The following PIH1D2 variants were observed in gnomAD, a reference collection of about 807,000 sequenced individuals.
PIH1D2 encodes PIH1 domain containing 2, also known as PIH1 domain-containing protein 2.
PIH1D2 carries 25 observed loss-of-function variants against 31.2 expected under a neutral mutation model. The observed-to-expected ratio is 0.80, with a 90% CI of 0.58 to 1.12. The LOEUF is 1.12. Among genes scored for constraint, PIH1D2 ranks in the 50% most tolerant of loss-of-function variants. The pLI is 0.00. For missense variants in PIH1D2, 310 were observed against 356.6 expected (o/e 0.87, Z 1.05); for synonymous variants, 116 against 119.9 (o/e 0.97, Z 0.21).
downstream of PIH1D2, among the ~76,000 whole-genome samples, chr11:112,058,625 T>TGG (rs1169416538): frequency 7.1e-3 from 510 of 71,936 alleles, 11 homozygotes; most frequent in African/African-American, 0.015. Flanking sequence ...AAGGGGGGGG[T>TGG]GGGGGGGGGG....
chr11:112,057,328 A>C, the PIH1D2 span, among the ~76,000 whole-genome samples: 2 of 152,224 alleles, frequency 1.3e-5, no homozygotes, highest in African/African-American at 4.8e-5. Context: ...GAAGACTTTC[A>C]CGTCTCTTAC....
At chr11:112,054,094 A>G in the PIH1D2 span, among the ~76,000 whole-genome samples, 4 of 151,804 alleles carry the variant, frequency 2.6e-5, no homozygotes, top group African/African-American at 9.7e-5. Flanking sequence ...GGATCGCCTG[A>G]GGTCAAGCGT....
intron 5 of PIH1D2, among the ~76,000 whole-genome samples, chr11:112,068,491 A>G (rs1426342206): frequency 2.6e-5 from 4 of 152,154 alleles, no homozygotes; most frequent in Admixed American, 6.6e-5. Flanking sequence ...AGTCAAATTA[A>G]AAGGGAATTG....
downstream of PIH1D2, chr11:112,062,307 T>C: frequency 1.6e-6 from 2 of 1,268,014 alleles, no homozygotes; most frequent in Non-Finnish European, 2.3e-6. Context: ...AAGTATTACC[T>C]GGTTGGGATT....
At chr11:112,071,900 C>T in intron 2 of PIH1D2, 142 bp from the exon 3 acceptor site, 1 of 796,488 alleles carries the variant, frequency 1.3e-6, no homozygotes, top group Admixed American at 2.9e-5. Context: ...TGAGACCAGC[C>T]TGGCCAACAT....
rs1555184656 is a variant in PIH1D2, at chr11:112,071,651, A to G, written c.285T>C (p.Asp95=). 4 of 1,613,812 alleles carry G rather than the reference A, an allele frequency of 2.5e-6. No homozygotes were observed. The highest frequency in any genetic ancestry group is 3.4e-6 in the Non-Finnish European group (4 of 1,179,678). Residue 95 remains aspartate (D), a synonymous_variant, in exon 3 of 6, where the codon GAT becomes GAC. Transcript: ENST00000280350. ...TATTTGTACCTGATATCTCAGTTGT[A>G]TCTTCTGGTTTGCCAACAGTTAGAG... ...PVPLTVGKPE[D]TTEISDAYTV...
At chr11:112,059,045 A>G (rs1224931437), downstream of PIH1D2, among the ~76,000 whole-genome samples, 2 of 151,032 alleles carry the variant, frequency 1.3e-5, no homozygotes, top group Non-Finnish European at 2.9e-5. Context: ...AAGATCTGAT[A>G]TTGTGTAAAA....
the PIH1D2 span, among the ~76,000 whole-genome samples, chr11:112,056,834 T>C: frequency 6.6e-6 from 1 of 152,342 alleles, no homozygotes; most frequent in South Asian, 2.1e-4. Context: ...TCATCAATAT[T>C]TGTTACCGTG....
At chr11:112,053,847 A>G in the PIH1D2 span, among the ~76,000 whole-genome samples, 1 of 151,916 alleles carries the variant, frequency 6.6e-6, no homozygotes, top group Non-Finnish European at 1.5e-5. Context: ...TGAGTTTTTC[A>G]TTTATTTTAC....
chr11:112,069,016 G>A (rs1865029499), intron 5 of PIH1D2, among the ~76,000 whole-genome samples: 2 of 138,626 alleles, frequency 1.4e-5, no homozygotes, highest in African/African-American at 5.7e-5. Flanking sequence ...TTTTTTGAGG[G>A]GAGACAGAGT....
downstream of PIH1D2, among the ~76,000 whole-genome samples, chr11:112,059,114 T>C (rs1555182904): frequency 6.6e-6 from 1 of 151,992 alleles, no homozygotes; most frequent in East Asian, 1.9e-4. Context: ...ACCACCCATG[T>C]ATCCTGAGCA....
downstream of PIH1D2, chr11:112,062,390 CTT>C: frequency 1.2e-6 from 2 of 1,612,046 alleles, no homozygotes; most frequent in Non-Finnish European, 1.7e-6. Flanking sequence ...TCTAAAATGT[CTT>C]TATCTTTTTC....
chr11:112,070,421 A>G lies in PIH1D2; in HGVS notation c.813+15T>C, dbSNP rs782745389. ...CTGGCCAATACAAATTTACAGTGTT[A>G]TCTATTCAACTTACCTCAGAAACAC... On this transcript the variant is annotated intron_variant, in intron 5 of 5. Coordinates refer to ENST00000280350, the MANE Select transcript of PIH1D2 (RefSeq NM_138789.4). 8 of 1,609,818 alleles carry G rather than the reference A, an allele frequency of 5.0e-6. No individual in the cohort carries two copies. The African/African-American group carries it at 1.1e-4, about 22-fold the overall frequency.
chr11:112,071,361 A>T (rs1258610577), intron 3 of PIH1D2, 78 bp from the exon 4 acceptor site: 2 of 1,450,054 alleles, frequency 1.4e-6, no homozygotes, highest in East Asian at 4.6e-5. Flanking sequence ...ATATTAAACC[A>T]TATTCCTGAT....
chr11:112,056,024 C>T, the PIH1D2 span, among the ~76,000 whole-genome samples: 2 of 151,330 alleles, frequency 1.3e-5, no homozygotes, highest in African/African-American at 4.9e-5. Context: ...CATGCCACCA[C>T]ACCCAGCTAA....
In PIH1D2 at chr11:112,071,087, C is replaced by T. The variant is rs1865096077; in HGVS notation, c.498G>A (p.Leu166=). The T allele has an allele frequency of 3.1e-6, 5 of 1,613,470 alleles. No individual in the cohort carries two copies. The highest frequency in any genetic ancestry group is 1.1e-5 in the South Asian group (1 of 91,034). Residue 166 remains leucine (L), a synonymous_variant, in exon 4 of 6, where the codon CTG becomes CTA. Transcript: ENST00000280350. Reference sequence around the variant, plus strand: ...CTATGGAATCAGTTTGGATTCCCATCAGATTTTGTTTCATTCTTTGAATGC... The same window carrying T: ...CTATGGAATCAGTTTGGATTCCCATTAGATTTTGTTTCATTCTTTGAATGC... ...KGSIQRMKQN[L]MGIQTDSIDL...
downstream of PIH1D2, chr11:112,063,118 C>T (rs926359546): frequency 2.6e-5 from 4 of 153,706 alleles, no homozygotes; most frequent in Non-Finnish European, 5.8e-5. Context: ...TTTCTTAGAC[C>T]TCTTCAGCTG....
At chr11:112,063,929 C>A (rs966514230), downstream of PIH1D2, 10 of 379,878 alleles carry the variant, frequency 2.6e-5, no homozygotes, top group African/African-American at 1.0e-4. Flanking sequence ...TGGAGTTAGC[C>A]CCTGAAATTT....
the PIH1D2 span, among the ~76,000 whole-genome samples, chr11:112,056,516 GTAGTT>G: frequency 6.6e-6 from 1 of 152,154 alleles, no homozygotes; most frequent in Non-Finnish European, 1.5e-5. Context: ...GCATGTATCT[GTAGTT>G]TATTCTTTTT....
Sources: allele counts gnomAD v4.1 joint callset (sites outside exome capture counted in the v4.1 genomes callset), GRCh38; gene constraint gnomAD v4.1.1; transcripts MANE v1.5; gene names NCBI Gene and HGNC (gene_info 2026-07-23, HGNC 2026-07-21).